Variants in FAM47E observed in about 807,000 individuals in gnomAD.
FAM47E encodes family with sequence similarity 47 member E.
Under a neutral mutation model 41.6 loss-of-function variants are expected in FAM47E, and 32 were observed. The ratio of observed to expected loss-of-function variants is 0.77; its 90% CI spans 0.58 to 1.03. The LOEUF (loss-of-function observed/expected upper bound fraction) is 1.03, where lower values mean the gene tolerates loss of function less well. FAM47E is among the 50% of genes least tolerant of loss of function. The pLI, the probability that FAM47E is intolerant of heterozygous loss-of-function variation, is 0.00. For synonymous variants in FAM47E, 184 were observed against 188.7 expected, an observed-to-expected ratio of 0.98 and a Z score of 0.20; for missense variants, 424 against 485.4, an observed-to-expected ratio of 0.87 and a Z score of 1.19.
chr4:76,222,021 A>G (rs149848176), intron 2 of FAM47E, among the ~76,000 whole-genome samples: 56 of 152,360 alleles, frequency 3.7e-4, no homozygotes, highest in African/African-American at 1.3e-3. Context: ...CACCTGGTAT[A>G]CTAATATCTC....
At chr4:76,229,139 T>C (rs1049650375) in intron 2 of FAM47E, among the ~76,000 whole-genome samples, 2 of 152,220 alleles carry the variant, frequency 1.3e-5, no homozygotes, top group Admixed American at 6.5e-5. Context: ...TATATTTTTC[T>C]AAGTGTGCAC....
intron 4 of FAM47E, among the ~76,000 whole-genome samples, chr4:76,270,432 T>C (rs930001497): frequency 9.9e-5 from 15 of 151,780 alleles, no homozygotes; most frequent in African/African-American, 3.4e-4. Context: ...AAGCCAAGAG[T>C]GGGGGTGTCC....
chr4:76,222,426 C>T (rs1295212444), intron 2 of FAM47E, among the ~76,000 whole-genome samples: 1 of 152,152 alleles, frequency 6.6e-6, no homozygotes, highest in Non-Finnish European at 1.5e-5. Context: ...CGGGGTTTCA[C>T]CATGTTGGCC....
intron 7 of FAM47E, chr4:76,283,021 G>C: frequency 5.7e-6 from 1 of 174,006 alleles, no homozygotes; most frequent in East Asian, 1.5e-4. Context: ...ACACATTCCA[G>C]TATCTGCTGC....
chr4:76,224,898 C>T (rs1294139442), intron 2 of FAM47E, among the ~76,000 whole-genome samples: 2 of 152,054 alleles, frequency 1.3e-5, no homozygotes, highest in African/African-American at 4.8e-5. Flanking sequence ...TATCCCTCAC[C>T]CGCCTCCTAC....
chr4:76,270,658 G>C (rs1032392496), intron 4 of FAM47E, among the ~76,000 whole-genome samples: 1 of 152,116 alleles, frequency 6.6e-6, no homozygotes, highest in Non-Finnish European at 1.5e-5. Flanking sequence ...GAAACTGAAG[G>C]AACCTTAGAA....
chr4:76,220,407 G>T (rs1733287736), intron 2 of FAM47E, among the ~76,000 whole-genome samples: 1 of 152,176 alleles, frequency 6.6e-6, no homozygotes, highest in Non-Finnish European at 1.5e-5. Context: ...CAGGAGGATT[G>T]CTTGGGACCA....
chr4:76,217,722 G>GA, intron 2 of FAM47E: 2 of 534,674 alleles, frequency 3.7e-6, no homozygotes, highest in Non-Finnish European at 3.4e-6. Context: ...GACAAGGGCG[G>GA]AAAATGAGGA....
intron 3 of FAM47E, chr4:76,268,390 T>C (rs761198470): frequency 2.2e-5 from 7 of 319,170 alleles, no homozygotes; most frequent in Non-Finnish European, 4.0e-5. Flanking sequence ...CATGTTTTAA[T>C]AAATGGTACT....
intron 5 of FAM47E, among the ~76,000 whole-genome samples, chr4:76,276,087 ATAGTTCTCCAG>A (rs1735096512): frequency 6.7e-6 from 1 of 148,390 alleles, no homozygotes; most frequent in Admixed American, 6.8e-5. Flanking sequence ...CTACATACAA[ATAGTTCTCCAG>A]TACCAAATGT....
Position 76,279,628 on chromosome 4 carries a change from A to G in FAM47E, c.1027-636A>G, listed in dbSNP as rs568439780. The G allele has an allele frequency of 3.3e-5, 5 of 152,326 alleles. No homozygotes were observed. In the South Asian group the frequency reaches 1.0e-3, roughly 32 times the overall value. 9.4% of individuals were successfully genotyped at this position (152,326 alleles called of 1,614,324 possible). ...TTTTAATACCTGAGGAATGATTTACATTATCGACTATAGGTGGCACCACCA... is the reference window on the plus strand; with the variant it reads ...TTTTAATACCTGAGGAATGATTTACGTTATCGACTATAGGTGGCACCACCA... On this transcript the variant is annotated intron_variant, in intron 6 of 7. Transcript: ENST00000424749.
chr4:76,256,262 C>T lies in FAM47E; in HGVS notation c.159C>T (p.Asp53=), dbSNP rs61740422. The T allele has an allele frequency of 0.044, 67,814 of 1,551,682 alleles. 1,647 individuals are homozygous for T. The highest frequency in any genetic ancestry group is 0.051 in the Non-Finnish European group (58,905 of 1,147,000). ...TGGTATTTCCAAGAAAGGGGCTGGA[C>T]GACTTCAGGAAGGGCTGCCCGCCTT... is the stretch of plus-strand genomic sequence containing the variant. ...RQLVFPRKGL[D]DFRKGCPPCT... The change falls in exon 2 of 8, where the codon GAC becomes GAT. Residue 53 remains aspartate (D), a synonymous_variant. Coordinates refer to ENST00000424749, the MANE Select transcript of FAM47E (RefSeq NM_001136570.3).
At chr4:76,231,507 G>T in intron 2 of FAM47E, among the ~76,000 whole-genome samples, 1 of 147,034 alleles carries the variant, frequency 6.8e-6, no homozygotes, top group East Asian at 2.0e-4. Flanking sequence ...TTTCTCACTC[G>T]CCAGTCCTCA....
At chr4:76,249,704 C>T (rs761275627), upstream of FAM47E, among the ~76,000 whole-genome samples, 1 of 151,922 alleles carries the variant, frequency 6.6e-6, no homozygotes. Flanking sequence ...CCTATCCTTC[C>T]CCCCAAGTTC....
intron 2 of FAM47E, among the ~76,000 whole-genome samples, chr4:76,259,370 A>G (rs983344612): frequency 6.6e-6 from 1 of 152,226 alleles, no homozygotes; most frequent in Non-Finnish European, 1.5e-5. Flanking sequence ...TCTTATATTT[A>G]CCACTAAATC....
rs141181986 is a variant in FAM47E, at chr4:76,218,500, G to A, written c.81+812G>A. Among the ~76,000 whole-genome samples, 734 of 152,214 alleles carry A rather than the reference G, an allele frequency of 4.8e-3. 5 individuals carry two copies. Among genetic ancestry groups the A allele is most frequent in the African/African-American group, 0.017 (703 of 41,512 alleles). On this transcript the variant is annotated intron_variant, in intron 2 of 7. Transcript: ENST00000510197. ...GAAGTTACCCATGTCCCTGTCTACC[G>A]CCTCCTCCGATCAAGAAGACCTCAT...
chr4:76,243,662 C>G (rs1183771861), intron 2 of FAM47E, among the ~76,000 whole-genome samples: 1 of 152,202 alleles, frequency 6.6e-6, no homozygotes, highest in African/African-American at 2.4e-5. Context: ...TCCCTATTCT[C>G]CACTTCTGTT....
At chr4:76,235,479 T>C (rs532841263) in intron 2 of FAM47E, among the ~76,000 whole-genome samples, 2 of 152,248 alleles carry the variant, frequency 1.3e-5, no homozygotes, top group African/African-American at 4.8e-5. Flanking sequence ...GCACTCTCCA[T>C]ATTTTACCTC....
chr4:76,233,556 G>T (rs35507310), intron 2 of FAM47E, among the ~76,000 whole-genome samples: 19,645 of 143,334 alleles, frequency 0.14, 1,577 homozygotes, highest in East Asian at 0.35. Flanking sequence ...ATTAATTAGA[G>T]CTCTTTTTAC....
Sources: gnomAD v4.1 joint callset for allele counts (sites outside exome capture counted in the v4.1 genomes callset) on GRCh38, gnomAD v4.1.1 for gene constraint, MANE v1.5 for transcripts, NCBI Gene and HGNC (gene_info 2026-07-23, HGNC 2026-07-21) for gene names.